MACROH2A1: variants seen among roughly 807,000 people sequenced by gnomAD.
The protein encoded by MACROH2A1 is core histone macro-H2A.1.
A neutral mutation model predicts 31.6 loss-of-function variants in MACROH2A1; 2 were observed. The observed-to-expected ratio is 0.06, with a 90% CI of 0.03 to 0.20. The LOEUF (loss-of-function observed/expected upper bound fraction) is 0.20, where lower values mean the gene tolerates loss of function less well. Ranked by LOEUF, MACROH2A1 falls within the 10% of genes least tolerant of loss-of-function variation. MACROH2A1 has a pLI of 1.00. For synonymous variants in MACROH2A1, 169 were observed against 189.6 expected (o/e 0.89, Z 0.89); for missense variants, 230 against 474.0 (o/e 0.49, Z 4.78).
At chr5:135,375,076 G>C (rs1312894623) in intron 2 of MACROH2A1, among the ~76,000 whole-genome samples, 2 of 152,172 alleles carry the variant, frequency 1.3e-5, no homozygotes, top group Non-Finnish European at 2.9e-5. Flanking sequence ...GGTGCAAAGG[G>C]AACAAGTTGA....
intron 1 of MACROH2A1, among the ~76,000 whole-genome samples, chr5:135,395,930 C>A (rs1338723790): frequency 6.6e-6 from 1 of 152,184 alleles, no homozygotes; most frequent in Non-Finnish European, 1.5e-5. Flanking sequence ...GCATTTTGTT[C>A]CAGCAGATGT....
At chr5:135,355,655 T>G in intron 5 of MACROH2A1, 1 of 206,762 alleles carries the variant, frequency 4.8e-6, no homozygotes, top group Non-Finnish European at 9.9e-6. Context: ...AAATGGGTAA[T>G]CAGCTTGGCA....
At position 135,334,777 on chromosome 5, in the gene MACROH2A1, T is replaced by TG. The variant is rs1300311532; in HGVS notation, c.*198dup. On this transcript the variant is annotated 3_prime_UTR_variant, in exon 9 of 9. Transcript: ENST00000511689. ...GGAACACAGTGCTTAACAACAGTAA[T>TG]GCCAACTATCAGTGCTAACATAAAA... The TG allele has an allele frequency of 1.8e-6, 1 of 548,880 alleles. No homozygotes were observed. Among genetic ancestry groups the TG allele is most frequent in the African/African-American group, 1.9e-5 (1 of 52,904 alleles). 34.0% of individuals were successfully genotyped at this position (548,880 alleles called of 1,614,324 possible).
intron 5 of MACROH2A1, chr5:135,357,921 TG>T: frequency 1.0e-6 from 1 of 985,074 alleles, no homozygotes; most frequent in African/African-American, 1.7e-5. Context: ...GGCTGTAGCA[TG>T]CACAATATCA....
rs115687849 is a variant in MACROH2A1 at position 135,391,923 on chromosome 5, T to C, written c.-33-2797A>G. 4.0e-3 allele frequency among the ~76,000 whole-genome samples: 606 copies of C among 152,302 alleles called. 6 individuals carry two copies. Among genetic ancestry groups the C allele is most frequent in the African/African-American group, 0.014 (583 of 41,562 alleles). The stretch of plus-strand genomic sequence containing the variant: ...GAAGCAGCTCTGCCTACTCTGATGA[T>C]TCCCTGTCAGCCTGAGCTTCTGAGC... On this transcript the variant is annotated intron_variant, in intron 1 of 8. Transcript: ENST00000511689.
At chr5:135,356,188 T>C (rs1304741368) in intron 5 of MACROH2A1, 2 of 152,226 alleles carry the variant, frequency 1.3e-5, no homozygotes, top group Admixed American at 6.5e-5. Flanking sequence ...CTGCCAGTTA[T>C]AGAGCAGAAG....
intron 2 of MACROH2A1, among the ~76,000 whole-genome samples, chr5:135,384,595 TG>T (rs1227763328): frequency 6.6e-6 from 1 of 152,194 alleles, no homozygotes; most frequent in Non-Finnish European, 1.5e-5. Context: ...CAGAGGATGC[TG>T]GGTGCCTTTT....
chr5:135,377,654 A>G (rs933200025), intron 2 of MACROH2A1, among the ~76,000 whole-genome samples: 3 of 152,072 alleles, frequency 2.0e-5, no homozygotes, highest in African/African-American at 7.3e-5. Flanking sequence ...TCAGAGGGAG[A>G]CGTTTTGCTC....
chr5:135,351,439 G>A (rs1456785572), intron 6 of MACROH2A1: 1 of 150,548 alleles, frequency 6.6e-6, no homozygotes. Context: ...ATTGATATAT[G>A]TAGAGGACTG....
chr5:135,362,922 G>A (rs1470942840), intron 4 of MACROH2A1: 2 of 152,212 alleles, frequency 1.3e-5, no homozygotes, highest in African/African-American at 4.8e-5. Context: ...AGAAAATAAT[G>A]TAAATTTTCC....
intron 2 of MACROH2A1, among the ~76,000 whole-genome samples, chr5:135,375,743 C>T (rs182904007): frequency 2.0e-5 from 3 of 152,294 alleles, no homozygotes; most frequent in African/African-American, 7.2e-5. Flanking sequence ...CAAATGTTCA[C>T]GTAATCCCAA....
intron 1 of MACROH2A1, among the ~76,000 whole-genome samples, chr5:135,394,881 G>A (rs1767753537): frequency 6.6e-6 from 1 of 152,240 alleles, no homozygotes; most frequent in African/African-American, 2.4e-5. Flanking sequence ...GGCACTGACA[G>A]TGGATAGGGA....
chr5:135,354,704 G>A (rs939396135), intron 5 of MACROH2A1: 3 of 255,716 alleles, frequency 1.2e-5, no homozygotes, highest in African/African-American at 2.3e-5. Flanking sequence ...TAGGGGTGTG[G>A]GTGGGCACAG....
intron 8 of MACROH2A1, among the ~76,000 whole-genome samples, chr5:135,341,454 G>A (rs1759846872): frequency 6.6e-6 from 1 of 152,232 alleles, no homozygotes; most frequent in African/African-American, 2.4e-5. Context: ...GCGGCGGGTG[G>A]CGGGCAGTGA....
intron 7 of MACROH2A1, chr5:135,343,845 C>T (rs1270071227): frequency 8.1e-6 from 2 of 246,222 alleles, no homozygotes; most frequent in Non-Finnish European, 8.0e-6. Flanking sequence ...TGCTAATTAT[C>T]GACTTGCACA....
intron 6 of MACROH2A1, chr5:135,351,097 T>G (rs1761482231): frequency 2.1e-6 from 1 of 477,708 alleles, no homozygotes; most frequent in Non-Finnish European, 3.7e-6. Flanking sequence ...GGAGGAGGAA[T>G]ATCAAATGTG....
intron 6 of MACROH2A1, chr5:135,346,405 G>T: frequency 4.0e-6 from 1 of 250,784 alleles, no homozygotes; most frequent in Admixed American, 5.0e-5. Flanking sequence ...GATACTAGCT[G>T]GTACTGGTTT....
chr5:135,335,874 G>A (rs1758569856), intron 8 of MACROH2A1, among the ~76,000 whole-genome samples: 1 of 152,200 alleles, frequency 6.6e-6, no homozygotes, highest in Admixed American at 6.5e-5. Flanking sequence ...GGTCAGCATG[G>A]CATGTGGGTA....
intron 6 of MACROH2A1, 125 bp downstream of exon 6, chr5:135,352,821 T>C (rs545042142): frequency 7.4e-6 from 5 of 673,388 alleles, no homozygotes; most frequent in Non-Finnish European, 1.4e-5. Context: ...TACACTCAAA[T>C]ATCAATCTTG....
Sources: allele counts gnomAD v4.1 joint callset (sites outside exome capture counted in the v4.1 genomes callset), GRCh38; gene constraint gnomAD v4.1.1; transcripts MANE v1.5; gene names NCBI Gene and HGNC (gene_info 2026-07-23, HGNC 2026-07-21).